Variants in ZFHX2 observed in about 807,000 individuals in gnomAD.
The protein encoded by ZFHX2 is zinc finger homeobox 2.
ZFHX2 carries 75 observed loss-of-function variants against 164.8 expected under a neutral mutation model. The ratio of observed to expected loss-of-function variants is 0.46; its 90% confidence interval spans 0.38 to 0.55. ZFHX2 has a LOEUF of 0.55. ZFHX2 is among the 20% of genes least tolerant of loss of function. ZFHX2 has a pLI of 0.00. For missense variants in ZFHX2, 2,933 were observed against 3,308.0 expected (o/e 0.89, Z 2.78); for synonymous variants, 1,217 against 1,351.4 (o/e 0.90, Z 2.18).
chr14:23,523,200 C>T lies in ZFHX2; in HGVS notation c.6739+3G>A. On this transcript the variant is annotated splice_donor_region_variant and intron_variant, in intron 9 of 9. Transcript: ENST00000419474. This position sits in a 1 kb window ranked among gnomAD's most constrained non-coding sequence, Gnocchi z 4.1. ...TCCAGCTCCTCCCAGCCTCCCTACT[C>T]ACCTGAATTGAAAGGAGCTAAGTTG... 7.0e-7 allele frequency: 1 copy of T among 1,421,202 alleles called. No individual in the cohort carries two copies. The highest frequency in any genetic ancestry group is 9.2e-7 in the Non-Finnish European group (1 of 1,092,796). The allele number at this position is 1,421,202 out of a possible 1,614,324, so 88.0% of individuals were successfully genotyped here.
rs949824648 is a variant in ZFHX2 at position 23,533,511 on chromosome 14, C to T, written c.1815G>A (p.Pro605=). 10 of 1,536,042 alleles carry T rather than the reference C, an allele frequency of 6.5e-6. No individual in the cohort carries two copies. The East Asian group carries it at 1.7e-4, about 26-fold the overall frequency. The change falls in exon 2 of 10, where the codon CCG becomes CCA. Residue 605 remains proline, a synonymous_variant. Transcript: ENST00000419474. The surrounding 1 kb of genome is among the most constrained non-coding windows in gnomAD (Gnocchi z 4.8). ...QNVLMLHQGL[P]LGLPPGLMGP... ...CCATCAATCCAGGTGGCAGGCCCAG[C>T]GGCAGCCCCTGGTGCAGCATTAGGA...
chr14:23,525,553 G>A lies in ZFHX2; in HGVS notation c.4389C>T (p.Pro1463=). 6.5e-7 allele frequency: 1 copy of A among 1,535,378 alleles called. No individual in the cohort carries two copies. Among genetic ancestry groups the A allele is most frequent in the Admixed American group, 2.0e-5 (1 of 51,002 alleles). The change falls in exon 9 of 10, where the codon CCC becomes CCT. Residue 1463 remains proline (P), a synonymous_variant. Coordinates refer to ENST00000419474, the MANE Select transcript of ZFHX2 (RefSeq NM_033400.3). This position sits in a 1 kb window ranked among gnomAD's most constrained non-coding sequence, Gnocchi z 5.9. Reference sequence around the variant, plus strand: ...CAGGTGGGGGTGGGGTAGGGGGAGGGGGCACAGCTTGCTTCCCTTCATTGT... The same window carrying A: ...CAGGTGGGGGTGGGGTAGGGGGAGGAGGCACAGCTTGCTTCCCTTCATTGT... The part of the protein sequence containing the change: ...IQYNEGKQAV[P]PPPTPPPPEA...
chr14:23,554,787 C>T (rs1431811675), upstream of ZFHX2, among the ~76,000 whole-genome samples: 1 of 152,108 alleles, frequency 6.6e-6, no homozygotes, highest in African/African-American at 2.4e-5. Context: ...GTGTTGAGAA[C>T]ATGGCACTTC....
chr14:23,535,145 G>A lies in ZFHX2; in HGVS notation c.181C>T (p.Leu61=). 1 of 1,536,064 alleles carries A rather than the reference G, an allele frequency of 6.5e-7. No homozygotes were observed. The highest frequency in any genetic ancestry group is 8.7e-7 in the Non-Finnish European group (1 of 1,146,768). Residue 61 remains leucine, a synonymous_variant, in exon 2 of 10, where the codon CTG becomes TTG. Transcript: ENST00000419474. The surrounding 1 kb of genome is among the most constrained non-coding windows in gnomAD (Gnocchi z 4.5). The part of the protein sequence containing the change: ...MRSSEPGGQL[L]ESGCGLVPPK... ...GGGACGAGGCCACAGCCCGACTCCA[G>A]GAGCTGTCCCCCTGGCTCTGAGGAC...
chr14:23,547,055 G>A (rs1339185936), intron 1 of ZFHX2, among the ~76,000 whole-genome samples: 3 of 152,208 alleles, frequency 2.0e-5, no homozygotes, highest in African/African-American at 7.2e-5. Context: ...TAGCTTCTGT[G>A]TATTTAGACC....
In ZFHX2 at chr14:23,526,867, G is replaced by C. The variant is rs566246733; in HGVS notation, c.3242C>G (p.Pro1081Arg). 1 of 1,532,492 alleles carries C rather than the reference G, an allele frequency of 6.5e-7. No individual in the cohort carries two copies. The highest frequency in any genetic ancestry group is 2.0e-5 in the Admixed American group (1 of 50,332). 94.9% of individuals were successfully genotyped at this position (1,532,492 alleles called of 1,614,324 possible). A position where few individuals can be genotyped will look rare whatever the true frequency, so the allele number is the denominator to read the frequency against. ...EPPTHGPEPT[P>R]SRDQAAEGPN... is the part of the protein sequence containing the mutation. ...CTTACCTGCTGCCTGGTCTCTGCTC[G>C]GTGTAGGCTCTGGCCCATGAGTGGG... Residue 1081 changes from proline to arginine, a missense_variant, in exon 8 of 10, where the codon CCG becomes CGG. By Grantham distance (103) the Pro-to-Arg change is moderately radical. Transcript: ENST00000419474.
rs1878712245 is a variant in ZFHX2 at position 23,526,384 on chromosome 14, G to T, written c.3558C>A (p.Asp1186Glu). 1 of 1,536,398 alleles carries T rather than the reference G, an allele frequency of 6.5e-7. No individual in the cohort carries two copies. Among genetic ancestry groups the T allele is most frequent in the Non-Finnish European group, 8.7e-7 (1 of 1,146,900 alleles). ...TTNFALDKFL[D>E]PARPYKCTVC... ...CAGTGCACTTATAGGGCCGGGCAGG[G>T]TCGAGAAACTTGTCCAGGGCAAAGT... Residue 1186 changes from aspartate to glutamate, a missense_variant, in exon 9 of 10, where the codon GAC (aspartate) becomes GAA (glutamate). By Grantham distance (45) the Asp-to-Glu change is conservative. Transcript: ENST00000419474.
At chr14:23,545,889 C>T (rs559911838) in intron 1 of ZFHX2, among the ~76,000 whole-genome samples, 10 of 152,326 alleles carry the variant, frequency 6.6e-5, no homozygotes, top group Admixed American at 2.0e-4. Flanking sequence ...ATGGAAATGG[C>T]GTTTACCCCA....
intron 1 of ZFHX2, among the ~76,000 whole-genome samples, chr14:23,541,168 A>G (rs1880765994): frequency 6.6e-6 from 1 of 151,570 alleles, no homozygotes; most frequent in Non-Finnish European, 1.5e-5. Flanking sequence ...GGCCTCCCCA[A>G]GTGCTGGGAT....
In ZFHX2 at chr14:23,535,203, G is replaced by A; in HGVS notation, c.123C>T (p.Pro41=). 6.5e-7 allele frequency: 1 copy of A among 1,529,428 alleles called. No individual in the cohort carries two copies. Among genetic ancestry groups the A allele is most frequent in the South Asian group, 1.2e-5 (1 of 83,906 alleles). The allele number at this position is 1,529,428 out of a possible 1,614,324, so 94.7% of individuals were successfully genotyped here. Residue 41 remains proline, a synonymous_variant, in exon 2 of 10, where the codon CCC becomes CCT. Transcript: ENST00000419474. The surrounding 1 kb of genome is among the most constrained non-coding windows in gnomAD (Gnocchi z 4.5). ...TCTCAGAGGTGGAGGAGGCAGCAGG[G>A]GGATCTTTGGTGACAGGATCAGAGG... is the stretch of plus-strand genomic sequence containing the variant. ...STPSDPVTKD[P]PAASSTSENM... is the part of the protein sequence containing the mutation.
chr14:23,550,005 G>C (rs1314769814), intron 1 of ZFHX2, among the ~76,000 whole-genome samples: 1 of 152,194 alleles, frequency 6.6e-6, no homozygotes, highest in African/African-American at 2.4e-5. Context: ...TGGAAAAAAG[G>C]GGTGAAGCAA....
intron 5 of ZFHX2, 70 bp from the exon 6 acceptor site, chr14:23,529,838 C>G: frequency 6.8e-7 from 1 of 1,464,868 alleles, no homozygotes; most frequent in South Asian, 1.2e-5. Context: ...AGAGAGCTTC[C>G]AGGGTAGGGA....
Position 23,524,581 on chromosome 14 carries a change from G to C in ZFHX2, c.5361C>G (p.His1787Gln). 1 of 1,535,574 alleles carries C rather than the reference G, an allele frequency of 6.5e-7. No homozygotes were observed. Among genetic ancestry groups the C allele is most frequent in the Non-Finnish European group, 8.7e-7 (1 of 1,146,448 alleles). The part of the protein sequence containing the change: ...SFSSQDLLTS[H>Q]RRLHFLPSLQ... ...GAGATGGCAGGAAATGTAGTCGGCG[G>C]TGACTGGTCAGGAGGTCCTGGCTGG... Residue 1787 changes from histidine to glutamine, a missense_variant, in exon 9 of 10, where the codon CAC becomes CAG. Transcript: ENST00000419474. The surrounding 1 kb of genome is among the most constrained non-coding windows in gnomAD (Gnocchi z 5.6).
chr14:23,548,819 T>C (rs1372028601), intron 1 of ZFHX2, among the ~76,000 whole-genome samples: 1 of 152,192 alleles, frequency 6.6e-6, no homozygotes, highest in Non-Finnish European at 1.5e-5. Context: ...TTCCTGCTAT[T>C]TGTGCTATGC....
rs916034475 is a variant in ZFHX2, at chr14:23,523,004, T to C, written c.6740-63A>G. On this transcript the variant is annotated intron_variant, in intron 9 of 9. Coordinates refer to ENST00000419474, the MANE Select transcript of ZFHX2 (RefSeq NM_033400.3). This position sits in a 1 kb window ranked among gnomAD's most constrained non-coding sequence, Gnocchi z 4.1. Reference sequence around the variant, plus strand: ...TCCTGTCCCATCATTCTTCCTGCCATAGGCCACCTCCAGCCACACACACCC... The same window carrying C: ...TCCTGTCCCATCATTCTTCCTGCCACAGGCCACCTCCAGCCACACACACCC... 1 of 1,422,644 alleles carries C rather than the reference T, an allele frequency of 7.0e-7. No individual in the cohort carries two copies. Among genetic ancestry groups the C allele is most frequent in the Non-Finnish European group, 9.2e-7 (1 of 1,092,518 alleles). The allele number at this position is 1,422,644 out of a possible 1,614,324, so 88.1% of individuals were successfully genotyped here.
chr14:23,552,973 C>T (rs12886523), upstream of ZFHX2, among the ~76,000 whole-genome samples: 13,946 of 152,180 alleles, frequency 0.092, 892 homozygotes, highest in East Asian at 0.24. Context: ...CTTTTACATA[C>T]ATTGTTTACT....
chr14:23,532,236 A>C (rs965391546), intron 3 of ZFHX2: 12 of 212,152 alleles, frequency 5.7e-5, no homozygotes, highest in Non-Finnish European at 1.1e-4. Flanking sequence ...CCACTCCTGG[A>C]CTCCCTCCCA....
At position 23,522,571 on chromosome 14, in the gene ZFHX2, G is replaced by T; in HGVS notation, c.7110C>A (p.Tyr2370Ter). The change falls in exon 10 of 10, where the codon TAC becomes TAA. Residue 2370 changes from tyrosine to a stop codon, truncating the protein, a stop_gained. Transcript: ENST00000419474. LOFTEE classifies it high-confidence loss of function. ...TCTTCATGCCATAGAGCTGTTGGAA[G>T]TAGGCCCCCTGTAGCTGGGGGCCAA... ...AVFGPQLQGA[Y>*]FQQLYGMKKG... is the part of the protein sequence containing the mutation. 1 of 1,527,572 alleles carries T rather than the reference G, an allele frequency of 6.5e-7. No homozygotes were observed. Among genetic ancestry groups the T allele is most frequent in the Non-Finnish European group, 8.8e-7 (1 of 1,141,778 alleles). 94.6% of individuals were successfully genotyped at this position (1,527,572 alleles called of 1,614,324 possible). A position where few individuals can be genotyped will look rare whatever the true frequency, so the allele number is the denominator to read the frequency against.
rs1185765985 is a variant in ZFHX2, at chr14:23,525,224, C to G, written c.4718G>C (p.Gly1573Ala). 6.5e-7 allele frequency: 1 copy of G among 1,536,112 alleles called. No homozygotes were observed. The highest frequency in any genetic ancestry group is 8.7e-7 in the Non-Finnish European group (1 of 1,146,910). ...RAPEERSRAG[G>A]HWPIEEEESS... ...TTCTTCCTCTTCTATGGGCCAGTGTCCCCCTGCTCGACTTCGCTCTTCAGG... is the reference window on the plus strand; with the variant it reads ...TTCTTCCTCTTCTATGGGCCAGTGTGCCCCTGCTCGACTTCGCTCTTCAGG... Residue 1573 changes from glycine to alanine, a missense_variant, in exon 9 of 10, where the codon GGA (glycine) becomes GCA (alanine). Transcript: ENST00000419474. This position sits in a 1 kb window ranked among gnomAD's most constrained non-coding sequence, Gnocchi z 5.9.
Sources: allele counts gnomAD v4.1 joint callset (sites outside exome capture counted in the v4.1 genomes callset), GRCh38; gene constraint gnomAD v4.1.1; non-coding constraint Gnocchi (gnomAD v3.1); transcripts MANE v1.5; gene names NCBI Gene and HGNC (gene_info 2026-07-23, HGNC 2026-07-21).